The following AGXT2 variants were observed in gnomAD, a reference collection of about 807,000 sequenced individuals.
The protein encoded by AGXT2 is alanine--glyoxylate aminotransferase 2, also known as alanine--glyoxylate aminotransferase 2, mitochondrial.
AGXT2 carries 61 observed loss-of-function variants against 62.5 expected under a neutral mutation model. That is an observed-to-expected ratio of 0.98 (90% CI 0.79 to 1.21). The LOEUF (loss-of-function observed/expected upper bound fraction) is 1.21. AGXT2 is among the 50% of genes most tolerant of loss of function. The probability of loss-of-function intolerance (pLI) is 0.00; values close to 1 mark genes in which losing one functional copy is unlikely to be tolerated. For synonymous variants in AGXT2, 243 were observed against 218.7 expected (o/e 1.11, Z -0.98); for missense variants, 666 against 641.5 (o/e 1.04, Z -0.41).
intron 13 of AGXT2, among the ~76,000 whole-genome samples, chr5:35,002,976 G>C (rs1302845891): frequency 6.6e-6 from 1 of 152,176 alleles, no homozygotes; most frequent in Non-Finnish European, 1.5e-5. Context: ...GGGAAAGAAA[G>C]TTAACAAAGG....
intron 7 of AGXT2, among the ~76,000 whole-genome samples, chr5:35,031,964 T>A (rs1315413662): frequency 6.7e-4 from 99 of 148,190 alleles, no homozygotes; most frequent in Admixed American, 2.3e-3. Flanking sequence ...TTTTTTTTTT[T>A]TTTTTTGAGA....
At chr5:35,037,536 C>T (rs1222087269) in intron 3 of AGXT2, among the ~76,000 whole-genome samples, 2 of 149,620 alleles carry the variant, frequency 1.3e-5, no homozygotes, top group African/African-American at 2.5e-5. Flanking sequence ...TCCTCCCTTC[C>T]TCCCCTCCTT....
At chr5:35,029,224 T>C (rs916125795) in intron 7 of AGXT2, among the ~76,000 whole-genome samples, 1 of 152,182 alleles carries the variant, frequency 6.6e-6, no homozygotes, top group Non-Finnish European at 1.5e-5. Context: ...TTCCCGTTTT[T>C]ATTGGGAAAG....
chr5:35,013,892 A>G lies in AGXT2; in HGVS notation c.1096+95T>C, dbSNP rs375108770. On this transcript the variant is annotated intron_variant, in intron 10 of 13. Coordinates refer to ENST00000231420, the MANE Select transcript of AGXT2 (RefSeq NM_031900.4). The stretch of plus-strand genomic sequence containing the variant: ...GGAAATGCATCATGTGGTTTCCATG[A>G]TTGTCTCCAATCTACACAAGTTCCA... 1.5e-5 allele frequency: 23 copies of G among 1,560,458 alleles called. 1 individual carries two copies. The highest frequency in any genetic ancestry group is 1.9e-4 in the Middle Eastern group (1 of 5,296).
intron 9 of AGXT2, among the ~76,000 whole-genome samples, chr5:35,020,629 C>CA (rs1177150843): frequency 5.3e-5 from 8 of 152,138 alleles, no homozygotes; most frequent in Non-Finnish European, 7.3e-5. Flanking sequence ...ACTGAATGGG[C>CA]AAAAACTGGA....
chr5:35,015,251 C>T (rs1322369642), intron 9 of AGXT2, among the ~76,000 whole-genome samples: 2 of 152,166 alleles, frequency 1.3e-5, no homozygotes, highest in African/African-American at 4.8e-5. Context: ...ATGGCAGGGA[C>T]TGTGTCTTAT....
At chr5:35,009,935 A>T (rs1766563193) in intron 12 of AGXT2, 65 bp downstream of exon 12, 1 of 1,604,606 alleles carries the variant, frequency 6.2e-7, no homozygotes, top group South Asian at 1.1e-5. Flanking sequence ...AGTTTAGCTG[A>T]TGTTTCCTCC....
At chr5:35,000,698 G>T (rs1364426279) in intron 13 of AGXT2, among the ~76,000 whole-genome samples, 1 of 152,314 alleles carries the variant, frequency 6.6e-6, no homozygotes, top group South Asian at 2.1e-4. Flanking sequence ...CCCGTTAAAA[G>T]TCAGTGTTGT....
At chr5:35,011,473 A>AAG (rs1431892614) in intron 11 of AGXT2, among the ~76,000 whole-genome samples, 1 of 151,882 alleles carries the variant, frequency 6.6e-6, no homozygotes, top group Admixed American at 6.6e-5. Flanking sequence ...AAAAAAAAAA[A>AAG]AAAAAAATTG....
chr5:35,026,197 G>A, intron 8 of AGXT2: 1 of 611,772 alleles, frequency 1.6e-6, no homozygotes, highest in Non-Finnish European at 2.9e-6. Flanking sequence ...TAGGAGTTCG[G>A]TAGTTTCATC....
At chr5:35,012,329 C>T (rs1482068425) in intron 11 of AGXT2, 1 of 153,682 alleles carries the variant, frequency 6.5e-6, no homozygotes, top group African/African-American at 2.4e-5. Context: ...CCCTTGTTGA[C>T]CCTTGGCCCC....
At position 35,040,677 on chromosome 5, in the gene AGXT2, G is replaced by A. The variant is rs778252600; in HGVS notation, c.89-14C>T. The A allele has an allele frequency of 2.5e-6, 4 of 1,602,952 alleles. No homozygotes were observed. The highest frequency in any genetic ancestry group is 1.1e-5 in the South Asian group (1 of 90,874). On this transcript the variant is annotated splice_polypyrimidine_tract_variant and intron_variant, in intron 1 of 13. Coordinates refer to ENST00000231420, the MANE Select transcript of AGXT2 (RefSeq NM_031900.4). ...GGGAAGTACCTACTGAAAGTGAAGT[G>A]AGTTAGAATCCTCAACTAAGCATGA...
At chr5:35,035,076 T>A in intron 5 of AGXT2, 146 bp downstream of exon 5, 1 of 785,732 alleles carries the variant, frequency 1.3e-6, no homozygotes, top group Non-Finnish European at 2.1e-6. Flanking sequence ...TAAAATTCAA[T>A]TGACCTATCC....
At chr5:34,999,946 G>T (rs1003875357) in intron 13 of AGXT2, among the ~76,000 whole-genome samples, 2 of 152,190 alleles carry the variant, frequency 1.3e-5, no homozygotes, top group Non-Finnish European at 2.9e-5. Context: ...CAGGCTTAAA[G>T]CTCTCATAAC....
chr5:35,023,147 T>C (rs1291010294), intron 9 of AGXT2, among the ~76,000 whole-genome samples: 2 of 139,798 alleles, frequency 1.4e-5, no homozygotes, highest in East Asian at 4.0e-4. Flanking sequence ...TTTAATAAAA[T>C]TGTGGTGATG....
intron 9 of AGXT2, among the ~76,000 whole-genome samples, chr5:35,015,926 G>T (rs1766835377): frequency 6.6e-6 from 1 of 151,782 alleles, no homozygotes; most frequent in Non-Finnish European, 1.5e-5. Context: ...AGATTCCAGG[G>T]GTTAGAATTA....
At chr5:35,002,288 T>C (rs1320373117) in intron 13 of AGXT2, among the ~76,000 whole-genome samples, 1 of 152,148 alleles carries the variant, frequency 6.6e-6, no homozygotes, top group Admixed American at 6.5e-5. Context: ...TTTAAGTCTG[T>C]TTTGTTTAAA....
chr5:35,035,453 G>A, intron 4 of AGXT2, 137 bp from the exon 5 acceptor site: 3 of 732,152 alleles, frequency 4.1e-6, no homozygotes. Flanking sequence ...TTACCCAGCA[G>A]TTCCATCATT....
chr5:35,042,736 CTGTGTGTGTGTGTG>C (rs66463119), intron 1 of AGXT2, among the ~76,000 whole-genome samples: 6 of 142,390 alleles, frequency 4.2e-5, no homozygotes, highest in African/African-American at 7.8e-5. Flanking sequence ...ATATGCATAC[CTGTGTGTGTGTGTG>C]TGTGTGTGTG....
Sources: allele counts gnomAD v4.1 joint callset (sites outside exome capture counted in the v4.1 genomes callset), GRCh38; gene constraint gnomAD v4.1.1; transcripts MANE v1.5; gene names NCBI Gene and HGNC (gene_info 2026-07-23, HGNC 2026-07-21).